Variants in LACRT observed in about 807,000 individuals in gnomAD.
LACRT encodes extracellular glycoprotein lacritin.
A neutral mutation model predicts 14.5 loss-of-function variants in LACRT; 14 were observed. The ratio of observed to expected loss-of-function variants is 0.96; its 90% CI spans 0.64 to 1.51. LACRT has a LOEUF of 1.51. Ranked by LOEUF, LACRT falls within the 40% of genes most tolerant of loss-of-function variation. The pLI is 0.00. For missense variants in LACRT, 156 were observed against 161.8 expected (o/e 0.96, Z 0.19); for synonymous variants, 70 against 63.5 (o/e 1.10, Z -0.48).
At position 54,631,828 on chromosome 12, in the gene LACRT, C is replaced by G. The variant is rs562627949; in HGVS notation, c.265G>C (p.Glu89Gln). 1 of 1,612,124 alleles carries G rather than the reference C, an allele frequency of 6.2e-7. No homozygotes were observed. The highest frequency in any genetic ancestry group is 1.7e-5 in the Admixed American group (1 of 60,018). Residue 89 changes from glutamate (E) to glutamine (Q), a missense_variant, in exon 4 of 5, where the codon GAG (glutamate) becomes CAG (glutamine). Glu to Gln is a conservative substitution (Grantham distance 29). Transcript: ENST00000257867. ...QELNPLKSIVEKSILLTEQAL... is the reference protein window; with the variant it reads ...QELNPLKSIVQKSILLTEQAL... ...TGTTCTGTTAGTAAGATACTTTTCT[C>G]CACTATGGATTCTAATTTTGGAGCA...
chr12:54,631,692 G>A, intron 4 of LACRT, 46 bp downstream of exon 4: 1 of 1,387,786 alleles, frequency 7.2e-7, no homozygotes, highest in Non-Finnish European at 1.0e-6. Flanking sequence ...ATGGTGGGTG[G>A]TGAGTATTCT....
In LACRT at chr12:54,630,863, A is replaced by G. The variant is rs1330282865; in HGVS notation, c.*29T>C. Reference sequence around the variant, plus strand: ...GGCTACAAGGGTATTTAAGGCTTTAAGTCCAATGATCCCATTCTTTTCAGC... The same window carrying G: ...GGCTACAAGGGTATTTAAGGCTTTAGGTCCAATGATCCCATTCTTTTCAGC... On this transcript the variant is annotated 3_prime_UTR_variant, in exon 5 of 5. Coordinates refer to ENST00000257867, the MANE Select transcript of LACRT (RefSeq NM_033277.2). 1.3e-6 allele frequency: 2 copies of G among 1,534,936 alleles called. No individual in the cohort carries two copies. The highest frequency in any genetic ancestry group is 1.8e-6 in the Non-Finnish European group (2 of 1,107,910).
chr12:54,631,572 C>A lies in LACRT; in HGVS notation c.355+166G>T, dbSNP rs1958152020. 4.2e-5 allele frequency: 26 copies of A among 624,834 alleles called. No homozygotes were observed. The East Asian group carries it at 7.0e-4, about 17-fold the overall frequency. The allele number at this position is 624,834 out of a possible 1,614,324, so 38.7% of individuals were successfully genotyped here. A position where few individuals can be genotyped will look rare whatever the true frequency, so the allele number is the denominator to read the frequency against. On this transcript the variant is annotated intron_variant, in intron 4 of 4. Coordinates refer to ENST00000257867, the MANE Select transcript of LACRT (RefSeq NM_033277.2). ...TTGAATCTGGATGAGAAATTGGAAA[C>A]ATATGAAAGCACAAAGTGAGGGGTC...
intron 4 of LACRT, 111 bp from the exon 5 acceptor site, chr12:54,631,064 A>T: frequency 2.8e-6 from 2 of 712,720 alleles, no homozygotes; most frequent in Non-Finnish European, 4.9e-6. Context: ...GAGACTCTGG[A>T]GAGGCTTACA....
In LACRT at chr12:54,633,176, TCA is replaced by T. The variant is rs1298408554; in HGVS notation, c.112+2_112+3del. ...GCTAGGGCAGCAGGGAGAGGAGGAC[TCA>T]CAGGTCCCAGCTTCCTGGGCAGGAT... On this transcript the variant is annotated splice_donor_variant and splice_donor_region_variant and intron_variant, in intron 2 of 4. Coordinates refer to ENST00000257867, the MANE Select transcript of LACRT (RefSeq NM_033277.2). LOFTEE classifies it high-confidence loss of function. 6.2e-7 allele frequency: 1 copy of T among 1,613,844 alleles called. No individual in the cohort carries two copies. Among genetic ancestry groups the T allele is most frequent in the Admixed American group, 1.7e-5 (1 of 60,012 alleles).
At chr12:54,634,673 G>C (rs150141775) in intron 1 of LACRT, 111 bp downstream of exon 1, 7 of 1,039,992 alleles carry the variant, frequency 6.7e-6, no homozygotes, top group African/African-American at 3.2e-5. Context: ...ACTTGCAGAG[G>C]CAGGGAAACC....
chr12:54,631,963 G>A, intron 3 of LACRT, 124 bp from the exon 4 acceptor site: 1 of 646,162 alleles, frequency 1.5e-6, no homozygotes, highest in Non-Finnish European at 2.6e-6. Context: ...CCTACAGAAA[G>A]TCCTAAAGTG....
In LACRT at chr12:54,631,790, T is replaced by G. The variant is rs867974392; in HGVS notation, c.303A>C (p.Lys101Asn). 1.2e-6 allele frequency: 2 copies of G among 1,614,140 alleles called. No homozygotes were observed. The highest frequency in any genetic ancestry group is 1.3e-5 in the African/African-American group (1 of 75,066). The change falls in exon 4 of 5, where the codon AAA (lysine) becomes AAC (asparagine). Residue 101 changes from lysine (K) to asparagine (N), a missense_variant. Physicochemically the swap from Lys to Asn is moderately conservative, Grantham distance 94. Coordinates refer to ENST00000257867, the MANE Select transcript of LACRT (RefSeq NM_033277.2). ...CGCCTCCGTGCATTCCTTTTCCTGC[T>G]TTTGCAAGGGCTTGTTCTGTTAGTA... ...SILLTEQALA[K>N]AGKGMHGGVP...
rs145788488 is a variant in LACRT at position 54,632,885 on chromosome 12, A to C, written c.112+295T>G. ...GTTTGCAGGTGAAGGTATTAATGCC[A>C]TGTGAGACATTGCCCTTACCACTTA... is the stretch of plus-strand genomic sequence containing the variant. On this transcript the variant is annotated intron_variant, in intron 2 of 4. Coordinates refer to ENST00000257867, the MANE Select transcript of LACRT (RefSeq NM_033277.2). 6.8e-4 allele frequency among the ~76,000 whole-genome samples: 103 copies of C among 152,242 alleles called. No individual in the cohort carries two copies. The Middle Eastern group carries it at 0.014, about 20-fold the overall frequency.
chr12:54,634,716 A>G, intron 1 of LACRT, 68 bp downstream of exon 1: 1 of 1,386,408 alleles, frequency 7.2e-7, no homozygotes. Context: ...AGAGGGGTGA[A>G]GGCAGGAGTG....
chr12:54,633,133 TA>T (rs1958163943), intron 2 of LACRT, 46 bp downstream of exon 2: 2 of 1,590,412 alleles, frequency 1.3e-6, no homozygotes. Flanking sequence ...CCCTAACTGT[TA>T]AACCTTCCCA....
In LACRT at chr12:54,633,248, A is replaced by T. The variant is rs1379018093; in HGVS notation, c.59-15T>A. The T allele has an allele frequency of 5.6e-6, 9 of 1,613,240 alleles. No individual in the cohort carries two copies. Among genetic ancestry groups the T allele is most frequent in the Non-Finnish European group, 7.6e-6 (9 of 1,179,504 alleles). ...GGAGGCATCTTCTGCAATGGGGGAAACATGCCAGATGAGAGCAAGGACCGA... is the reference window on the plus strand; with the variant it reads ...GGAGGCATCTTCTGCAATGGGGGAATCATGCCAGATGAGAGCAAGGACCGA... On this transcript the variant is annotated splice_polypyrimidine_tract_variant and intron_variant, in intron 1 of 4. Transcript: ENST00000257867.
chr12:54,631,657 G>A (rs1266630447), intron 4 of LACRT, 81 bp downstream of exon 4: 4 of 1,048,450 alleles, frequency 3.8e-6, no homozygotes, highest in East Asian at 4.7e-5. Flanking sequence ...ATGGGGGCAA[G>A]TTCTGTCCCA....
chr12:54,630,867 C>G lies in LACRT; in HGVS notation c.*25G>C. The stretch of plus-strand genomic sequence containing the variant: ...ACAAGGGTATTTAAGGCTTTAAGTC[C>G]AATGATCCCATTCTTTTCAGCTTCT... On this transcript the variant is annotated 3_prime_UTR_variant, in exon 5 of 5. Transcript: ENST00000257867. 1 of 1,555,732 alleles carries G rather than the reference C, an allele frequency of 6.4e-7. No homozygotes were observed. The highest frequency in any genetic ancestry group is 8.9e-7 in the Non-Finnish European group (1 of 1,126,966).
In LACRT at chr12:54,630,900, A is replaced by G; in HGVS notation, c.409T>C (p.Trp137Arg). The G allele has an allele frequency of 3.7e-6, 6 of 1,608,292 alleles. No individual in the cohort carries two copies. The highest frequency in any genetic ancestry group is 5.1e-6 in the Non-Finnish European group (6 of 1,174,748). ...CCATTCTTTTCAGCTTCTCATGCCC[A>G]TGGTTTTAATAGACTGAATTTCTTC... Reference protein sequence around the residue: ...LLKKFSLLKPWA With the variant: ...LLKKFSLLKPRA Residue 137 changes from tryptophan to arginine, a missense_variant, in exon 5 of 5, where the codon TGG becomes CGG. Physicochemically the swap from Trp to Arg is moderately radical, Grantham distance 101 (BLOSUM62 -3). Coordinates refer to ENST00000257867, the MANE Select transcript of LACRT (RefSeq NM_033277.2).
chr12:54,631,729 T>G lies in LACRT; in HGVS notation c.355+9A>C. On this transcript the variant is annotated intron_variant, in intron 4 of 4. Coordinates refer to ENST00000257867, the MANE Select transcript of LACRT (RefSeq NM_033277.2). ...ATTCCCACAAAGCCTTGCCTTGGGA[T>G]GCACTCACTTTCGATGAATTGTTTT... The G allele has an allele frequency of 6.2e-7, 1 of 1,600,024 alleles. No homozygotes were observed.
At chr12:54,634,093 C>T (rs1362456644) in intron 1 of LACRT, among the ~76,000 whole-genome samples, 1 of 152,098 alleles carries the variant, frequency 6.6e-6, no homozygotes, top group Non-Finnish European at 1.5e-5. Context: ...TGGCTCACGC[C>T]TGTAATTCCA....
chr12:54,631,682 A>C (rs1401678576), intron 4 of LACRT, 56 bp downstream of exon 4: 1 of 1,276,496 alleles, frequency 7.8e-7, no homozygotes, highest in South Asian at 1.2e-5. Context: ...CCACCCCCGG[A>C]TGGTGGGTGG....
chr12:54,632,111 T>C, intron 3 of LACRT, 130 bp downstream of exon 3: 1 of 1,036,124 alleles, frequency 9.7e-7, no homozygotes, highest in Non-Finnish European at 1.4e-6. Flanking sequence ...ATCCCATTTG[T>C]GCCTTTGTGT....
Sources: gnomAD v4.1 joint callset for allele counts (sites outside exome capture counted in the v4.1 genomes callset) on GRCh38, gnomAD v4.1.1 for gene constraint, MANE v1.5 for transcripts, NCBI Gene and HGNC (gene_info 2026-07-23, HGNC 2026-07-21) for gene names.